DIPK1C: variants seen among roughly 807,000 people sequenced by gnomAD.
DIPK1C encodes divergent protein kinase domain 1C.
Under a neutral mutation model 28.0 loss-of-function variants are expected in DIPK1C, and 33 were observed. That is an observed-to-expected ratio of 1.18 (90% CI 0.89 to 1.58). The LOEUF (loss-of-function observed/expected upper bound fraction) is 1.58, where lower values mean the gene tolerates loss of function less well. Ranked by LOEUF, DIPK1C falls within the 40% of genes most tolerant of loss-of-function variation. DIPK1C has a pLI of 0.00. For missense variants in DIPK1C, 569 were observed against 568.5 expected, an observed-to-expected ratio of 1.00 and a Z score of -0.01; for synonymous variants, 255 against 248.8, an observed-to-expected ratio of 1.02 and a Z score of -0.23.
chr18:74,445,419 G>A (rs1986237731), intron 2 of DIPK1C, among the ~76,000 whole-genome samples: 1 of 152,248 alleles, frequency 6.6e-6, no homozygotes, highest in Non-Finnish European at 1.5e-5. Context: ...CAGGGGGCAA[G>A]GCATTAGGAC....
chr18:74,461,798 C>T (rs969911392), upstream of DIPK1C, among the ~76,000 whole-genome samples: 5 of 152,164 alleles, frequency 3.3e-5, no homozygotes, highest in African/African-American at 1.2e-4. Flanking sequence ...ACTCTGCTGC[C>T]CAGCCTGGAG....
Position 74,446,952 on chromosome 18 carries a change from C to A in DIPK1C, c.530G>T (p.Gly177Val), listed in dbSNP as rs1047526153. ...GGCCAGCTGTCCCCGCCAGCGTGGG[C>A]CCCGCCTGCCCGGCCACCACGGCCC... ...SLGPWWPGRRGPRWRGQLASL... is the reference protein window; with the variant it reads ...SLGPWWPGRRVPRWRGQLASL... The change falls in exon 2 of 4, where the codon GGC becomes GTC. Residue 177 changes from glycine (G) to valine (V), a missense_variant. By Grantham distance (109) the Gly-to-Val change is moderately radical (BLOSUM62 -3). Transcript: ENST00000343998. The A allele has an allele frequency of 6.8e-5, 103 of 1,503,922 alleles. No individual in the cohort carries two copies. The East Asian group carries it at 2.3e-3, about 33-fold the overall frequency. The allele number at this position is 1,503,922 out of a possible 1,614,324, so 93.2% of individuals were successfully genotyped here.
chr18:74,437,385 T>A (rs926967980), intron 3 of DIPK1C, among the ~76,000 whole-genome samples: 1 of 152,212 alleles, frequency 6.6e-6, no homozygotes, highest in Non-Finnish European at 1.5e-5. Context: ...TTAATTCTAA[T>A]CGGGTATGAA....
chr18:74,458,940 C>CAA (rs61690822), upstream of DIPK1C, among the ~76,000 whole-genome samples: 83 of 123,362 alleles, frequency 6.7e-4, no homozygotes, highest in African/African-American at 2.2e-3. Context: ...CCAACCTGGG[C>CAA]AAAAAAAAAA....
At chr18:74,452,982 C>T (rs1986431493) in intron 1 of DIPK1C, among the ~76,000 whole-genome samples, 2 of 152,068 alleles carry the variant, frequency 1.3e-5, no homozygotes, top group South Asian at 2.1e-4. Flanking sequence ...CTGAAAAAAA[C>T]AAGTTAAAGT....
chr18:74,450,077 T>C (rs986322868), intron 1 of DIPK1C, among the ~76,000 whole-genome samples: 3 of 151,994 alleles, frequency 2.0e-5, no homozygotes, highest in South Asian at 4.1e-4. Flanking sequence ...GATAAGGAAC[T>C]GAGGCCACCG....
At chr18:74,458,310 G>A (rs1253145263), upstream of DIPK1C, among the ~76,000 whole-genome samples, 2 of 152,272 alleles carry the variant, frequency 1.3e-5, no homozygotes, top group Admixed American at 1.3e-4. Flanking sequence ...TGCCCAGTAC[G>A]TGCCAGCCCA....
chr18:74,447,082 C>A lies in DIPK1C; in HGVS notation c.400G>T (p.Glu134Ter), dbSNP rs965533823. 2 of 1,550,386 alleles carry A rather than the reference C, an allele frequency of 1.3e-6. No homozygotes were observed. The highest frequency in any genetic ancestry group is 4.9e-5 in the East Asian group (2 of 40,936). Residue 134 changes from glutamate to a stop codon, truncating the protein, a stop_gained, in exon 2 of 4, where the codon GAG (glutamate) becomes TAG (stop). Transcript: ENST00000343998. LOFTEE classifies it high-confidence loss of function. This position sits in a 1 kb window ranked among gnomAD's most constrained non-coding sequence, Gnocchi z 4.1. Reference protein sequence around the residue: ...SFPPLSLLEEEAGEGGQDMPE... With the variant: ...SFPPLSLLEE ...ATGTCCTGGCCACCCTCCCCTGCCTCCTCTTCCAACAGGCTGAGGGGCGGG... is the reference window on the plus strand; with the variant it reads ...ATGTCCTGGCCACCCTCCCCTGCCTACTCTTCCAACAGGCTGAGGGGCGGG...
chr18:74,435,488 C>A lies in DIPK1C; in HGVS notation c.*1013G>T, dbSNP rs1480444446. 1.3e-5 allele frequency: 2 copies of A among 152,184 alleles called. No homozygotes were observed. Among genetic ancestry groups the A allele is most frequent in the Non-Finnish European group, 2.9e-5 (2 of 68,044 alleles). 9.4% of individuals were successfully genotyped at this position (152,184 alleles called of 1,614,324 possible). On this transcript the variant is annotated 3_prime_UTR_variant, in exon 4 of 4. Coordinates refer to ENST00000343998, the MANE Select transcript of DIPK1C (RefSeq NM_001044369.3). ...TCTTCAATCCATCAAAAGAAAGGTG[C>A]TGGTCTCTGGTCCTGCCTGGAGTCA...
intron 3 of DIPK1C, among the ~76,000 whole-genome samples, 193 bp from the exon 4 acceptor site, chr18:74,436,912 A>G (rs914506315): frequency 4.0e-5 from 6 of 149,930 alleles, no homozygotes; most frequent in Admixed American, 1.3e-4. Context: ...CTTCAGCACC[A>G]TGAACAAAAG....
At chr18:74,443,551 T>G (rs1296602844) in intron 2 of DIPK1C, among the ~76,000 whole-genome samples, 5 of 152,200 alleles carry the variant, frequency 3.3e-5, no homozygotes, top group Non-Finnish European at 7.3e-5. Flanking sequence ...ATGAAGTTTC[T>G]TAGGGATTAT....
intron 1 of DIPK1C, among the ~76,000 whole-genome samples, chr18:74,453,249 G>A (rs76895545): frequency 0.014 from 2,086 of 152,280 alleles, 53 homozygotes; most frequent in African/African-American, 0.047. Flanking sequence ...TCTGAGGGCC[G>A]GGTTTCCTTT....
upstream of DIPK1C, among the ~76,000 whole-genome samples, chr18:74,459,405 A>G (rs1257593823): frequency 6.6e-6 from 1 of 152,240 alleles, no homozygotes; most frequent in Non-Finnish European, 1.5e-5. Context: ...TCCCACAGTA[A>G]AGAAATCCTT....
chr18:74,443,032 A>C (rs1986178706), intron 2 of DIPK1C, among the ~76,000 whole-genome samples: 1 of 152,210 alleles, frequency 6.6e-6, no homozygotes, highest in Admixed American at 6.5e-5. Context: ...CTGACCAGTC[A>C]GACGACAAAG....
In DIPK1C at chr18:74,457,294, C is replaced by A; in HGVS notation, c.-35G>T. ...TGCCCGCGCCCGGGCCCCACCGCCGCCCGCGCCCCGAGTTCCGCACTCGCG... is the reference window on the plus strand; with the variant it reads ...TGCCCGCGCCCGGGCCCCACCGCCGACCGCGCCCCGAGTTCCGCACTCGCG... On this transcript the variant is annotated 5_prime_UTR_variant, in exon 1 of 4. Transcript: ENST00000343998. 1.0e-6 allele frequency: 1 copy of A among 984,344 alleles called. No individual in the cohort carries two copies. The highest frequency in any genetic ancestry group is 1.2e-6 in the Non-Finnish European group (1 of 829,504). 61.0% of individuals were successfully genotyped at this position (984,344 alleles called of 1,614,324 possible). A position where few individuals can be genotyped will look rare whatever the true frequency, so the allele number is the denominator to read the frequency against.
the DIPK1C span, among the ~76,000 whole-genome samples, chr18:74,464,317 A>T: frequency 6.6e-6 from 1 of 152,222 alleles, no homozygotes; most frequent in Admixed American, 6.5e-5. Flanking sequence ...AAGCCAGGAA[A>T]ATCCTTGGTT....
Position 74,446,848 on chromosome 18 carries a change from C to T in DIPK1C, c.634G>A (p.Val212Met), listed in dbSNP as rs970405937. The change falls in exon 2 of 4, where the codon GTG becomes ATG. Residue 212 changes from valine (V) to methionine (M), a missense_variant. Val to Met is a conservative substitution (Grantham distance 21, BLOSUM62 1). Coordinates refer to ENST00000343998, the MANE Select transcript of DIPK1C (RefSeq NM_001044369.3). ...TAGAAGTGGCCGCAGGAACCCAGCACGGGCAGCACGTGTGGGCTCAGGTCC... is the reference window on the plus strand; with the variant it reads ...TAGAAGTGGCCGCAGGAACCCAGCATGGGCAGCACGTGTGGGCTCAGGTCC... ...LQDLSPHVLP[V>M]LGSCGHFYAV... 16 of 1,506,940 alleles carry T rather than the reference C, an allele frequency of 1.1e-5. No individual in the cohort carries two copies. The highest frequency in any genetic ancestry group is 2.5e-5 in the East Asian group (1 of 40,304). The allele number at this position is 1,506,940 out of a possible 1,614,324, so 93.3% of individuals were successfully genotyped here.
intron 1 of DIPK1C, among the ~76,000 whole-genome samples, chr18:74,450,915 C>T (rs756950380): frequency 1.3e-4 from 20 of 152,206 alleles, no homozygotes; most frequent in Non-Finnish European, 2.5e-4. Flanking sequence ...TGCTGTGTGG[C>T]TTGTTTCCGA....
chr18:74,442,049 C>A lies in DIPK1C; in HGVS notation c.944G>T (p.Cys315Phe). ...GAAATTGCAGTCTTCATCTCCTGTG[C>A]AGTTTTGCTCAAGGATTTCCCTCAT... is the stretch of plus-strand genomic sequence containing the variant. ...PKMREILEQN[C>F]TGDEDCNFFD... Residue 315 changes from cysteine (C) to phenylalanine (F), a missense_variant, in exon 3 of 4, where the codon TGC becomes TTC. By Grantham distance (205) the Cys-to-Phe change is radical (BLOSUM62 -2). Transcript: ENST00000343998. The A allele has an allele frequency of 6.2e-7, 1 of 1,614,184 alleles. No homozygotes were observed. The highest frequency in any genetic ancestry group is 8.5e-7 in the Non-Finnish European group (1 of 1,180,036).
Sources: gnomAD v4.1 joint callset for allele counts (sites outside exome capture counted in the v4.1 genomes callset) on GRCh38, gnomAD v4.1.1 for gene constraint, Gnocchi (gnomAD v3.1) non-coding constraint, MANE v1.5 for transcripts, NCBI Gene and HGNC (gene_info 2026-07-23, HGNC 2026-07-21) for gene names.